Variants in GPC5 observed in about 807,000 individuals in gnomAD.
GPC5 encodes glypican 5.
In GPC5, 47 loss-of-function variants were observed where a neutral mutation model predicts 53.9. The observed-to-expected ratio is 0.87, with a 90% CI of 0.69 to 1.11. The LOEUF (loss-of-function observed/expected upper bound fraction) is 1.11, where lower values mean the gene tolerates loss of function less well. GPC5 is among the 50% of genes most tolerant of loss of function. The probability of loss-of-function intolerance (pLI) is 0.00; values close to 1 mark genes in which losing one functional copy is unlikely to be tolerated. For synonymous variants in GPC5, 286 were observed against 263.3 expected, an observed-to-expected ratio of 1.09 and a Z score of -0.84; for missense variants, 748 against 713.1, an observed-to-expected ratio of 1.05 and a Z score of -0.56.
intron 2 of GPC5, among the ~76,000 whole-genome samples, chr13:91,568,350 TA>T (rs1347319394): frequency 6.6e-6 from 1 of 152,162 alleles, no homozygotes; most frequent in Non-Finnish European, 1.5e-5. Flanking sequence ...CTAACTTCCC[TA>T]AGGTATTCCT....
intron 7 of GPC5, among the ~76,000 whole-genome samples, chr13:92,202,391 A>G (rs553453153): frequency 1.3e-5 from 2 of 152,330 alleles, no homozygotes; most frequent in African/African-American, 4.8e-5. Flanking sequence ...TGAGGCAATA[A>G]ATAGGAGTAA....
At chr13:92,266,290 T>C (rs1243271496) in intron 7 of GPC5, among the ~76,000 whole-genome samples, 2 of 152,186 alleles carry the variant, frequency 1.3e-5, no homozygotes, top group Non-Finnish European at 2.9e-5. Context: ...GAGTTCACTT[T>C]ATTTCTTAGA....
chr13:92,058,058 G>A (rs953208174), intron 6 of GPC5, among the ~76,000 whole-genome samples: 1 of 152,174 alleles, frequency 6.6e-6, no homozygotes, highest in Admixed American at 6.5e-5. Context: ...CCAGTCTTCT[G>A]ACTATGAATT....
At chr13:92,584,907 G>A (rs1177911224) in intron 7 of GPC5, among the ~76,000 whole-genome samples, 10 of 152,102 alleles carry the variant, frequency 6.6e-5, no homozygotes, top group Admixed American at 5.9e-4. Context: ...ACATGGTGTC[G>A]AGCCTGCAGG....
chr13:92,457,585 C>T (rs879738546), intron 7 of GPC5, among the ~76,000 whole-genome samples: 3 of 152,096 alleles, frequency 2.0e-5, no homozygotes, highest in Non-Finnish European at 4.4e-5. Context: ...AGAACTCTAT[C>T]GAGGATAATT....
At chr13:92,000,496 T>C (rs543500786) in intron 6 of GPC5, among the ~76,000 whole-genome samples, 1 of 152,248 alleles carries the variant, frequency 6.6e-6, no homozygotes, top group African/African-American at 2.4e-5. Flanking sequence ...AGAATTACAG[T>C]CAATGTTTGG....
intron 6 of GPC5, among the ~76,000 whole-genome samples, chr13:91,913,744 G>A (rs1159763956): frequency 1.3e-5 from 2 of 152,134 alleles, no homozygotes; most frequent in Non-Finnish European, 2.9e-5. Flanking sequence ...CAGCCATTGT[G>A]CAAATTCTCA....
intron 7 of GPC5, among the ~76,000 whole-genome samples, chr13:92,679,602 ACT>A (rs1301322648): frequency 6.6e-6 from 1 of 152,156 alleles, no homozygotes; most frequent in Non-Finnish European, 1.5e-5. Context: ...GACAGATTTT[ACT>A]CTGAGTTGTG....
At chr13:91,818,007 A>G (rs1177856990) in intron 5 of GPC5, among the ~76,000 whole-genome samples, 1 of 152,122 alleles carries the variant, frequency 6.6e-6, no homozygotes, top group Non-Finnish European at 1.5e-5. Context: ...GTAGTTCATG[A>G]AACAGTAAGG....
chr13:92,056,288 T>C (rs781269037), intron 6 of GPC5, among the ~76,000 whole-genome samples: 17 of 152,176 alleles, frequency 1.1e-4, no homozygotes, highest in Non-Finnish European at 1.0e-4. Context: ...TTCTCTTTTA[T>C]ACTTTTGCAT....
At chr13:91,635,380 C>T (rs539486147) in intron 2 of GPC5, among the ~76,000 whole-genome samples, 2 of 152,034 alleles carry the variant, frequency 1.3e-5, no homozygotes, top group South Asian at 2.1e-4. Flanking sequence ...TTGTTTACAC[C>T]TACTATCCTA....
rs139920064 is a variant in GPC5 at position 91,880,518 on chromosome 13, C to T, written c.1281-27419C>T. Among the ~76,000 whole-genome samples, 51 of 152,076 alleles carry T rather than the reference C, an allele frequency of 3.4e-4. No individual in the cohort carries two copies. The East Asian group carries it at 8.9e-3, about 26-fold the overall frequency. On this transcript the variant is annotated intron_variant, in intron 5 of 7. Coordinates refer to ENST00000377067, the MANE Select transcript of GPC5 (RefSeq NM_004466.6). ...TGAAGTTCTTGAGTTAAATTCTTAA[C>T]TATTTTTTATTTTGATTTGTAAAGT... is the stretch of plus-strand genomic sequence containing the variant.
At chr13:91,917,847 G>T (rs1270069284) in intron 6 of GPC5, among the ~76,000 whole-genome samples, 9 of 152,138 alleles carry the variant, frequency 5.9e-5, no homozygotes, top group African/African-American at 1.9e-4. Flanking sequence ...TCTCTAGGAA[G>T]TTCCAAAATT....
intron 5 of GPC5, among the ~76,000 whole-genome samples, chr13:91,863,994 C>T (rs940271105): frequency 1.8e-4 from 28 of 152,138 alleles, no homozygotes; most frequent in Non-Finnish European, 5.9e-5. Flanking sequence ...TACATGTGCA[C>T]TGATAAATAT....
intron 7 of GPC5, among the ~76,000 whole-genome samples, chr13:92,758,695 G>A (rs1040073588): frequency 5.3e-5 from 8 of 151,998 alleles, no homozygotes; most frequent in Middle Eastern, 3.4e-3. Flanking sequence ...TTCTCTTCTC[G>A]TTTTATTAAG....
At chr13:91,425,218 A>G (rs1264817389) in intron 1 of GPC5, among the ~76,000 whole-genome samples, 4 of 152,190 alleles carry the variant, frequency 2.6e-5, no homozygotes, top group East Asian at 1.9e-4. Flanking sequence ...CATGTAACCA[A>G]TTTCAAAGTG....
chr13:91,804,369 G>C (rs2038186636), intron 5 of GPC5, among the ~76,000 whole-genome samples: 1 of 152,170 alleles, frequency 6.6e-6, no homozygotes, highest in South Asian at 2.1e-4. Flanking sequence ...CATGGTCCTT[G>C]CTCCCCCAAC....
intron 2 of GPC5, among the ~76,000 whole-genome samples, chr13:91,575,427 G>A (rs553165381): frequency 1.3e-5 from 2 of 152,176 alleles, no homozygotes; most frequent in African/African-American, 4.8e-5. Flanking sequence ...CTTAAAGGTA[G>A]GGTATATTGA....
chr13:92,753,775 G>GA (rs201583979), intron 7 of GPC5, among the ~76,000 whole-genome samples: 2,068 of 150,412 alleles, frequency 0.014, 23 homozygotes, highest in Non-Finnish European at 0.02. Context: ...GGGAAGTTTA[G>GA]AAAAAAAAAG....
Sources: gnomAD v4.1 joint callset for allele counts (sites outside exome capture counted in the v4.1 genomes callset) on GRCh38, gnomAD v4.1.1 for gene constraint, MANE v1.5 for transcripts, NCBI Gene and HGNC (gene_info 2026-07-23, HGNC 2026-07-21) for gene names.